Variants in HS3ST5 observed in about 807,000 individuals in gnomAD.
HS3ST5 encodes heparan sulfate glucosamine 3-O-sulfotransferase 5.
In HS3ST5, 10 loss-of-function variants were observed where a neutral mutation model predicts 25.4. The ratio of observed to expected loss-of-function variants is 0.39; its 90% CI spans 0.24 to 0.67. The LOEUF is 0.67. HS3ST5 is among the 30% of genes least tolerant of loss of function. The pLI, the probability that HS3ST5 is intolerant of heterozygous loss-of-function variation, is 0.44. For missense variants in HS3ST5, 324 were observed against 420.7 expected, an observed-to-expected ratio of 0.77 and a Z score of 2.01; for synonymous variants, 170 against 162.4, an observed-to-expected ratio of 1.05 and a Z score of -0.36.
intron 3 of HS3ST5, among the ~76,000 whole-genome samples, chr6:114,113,508 C>A (rs900161399): frequency 6.6e-6 from 1 of 151,746 alleles, no homozygotes; most frequent in African/African-American, 2.4e-5. Flanking sequence ...TTGGAATGAT[C>A]TTCCTCTCCT....
At chr6:114,166,882 G>A (rs1779239630) in intron 3 of HS3ST5, among the ~76,000 whole-genome samples, 1 of 152,070 alleles carries the variant, frequency 6.6e-6, no homozygotes, top group Non-Finnish European at 1.5e-5. Flanking sequence ...ACTAAAAAAA[G>A]GTATTTACAG....
intron 1 of HS3ST5, among the ~76,000 whole-genome samples, chr6:114,279,060 G>A (rs1022995776): frequency 1.3e-5 from 2 of 151,952 alleles, no homozygotes; most frequent in African/African-American, 4.8e-5. Flanking sequence ...GCAACAAGTA[G>A]TCAATTTCTT....
chr6:114,184,097 C>T (rs1275501818), intron 2 of HS3ST5, among the ~76,000 whole-genome samples: 1 of 110,084 alleles, frequency 9.1e-6, no homozygotes, highest in African/African-American at 3.5e-5. Context: ...GAGTCTCGCT[C>T]TGTCGCCCAG....
intron 2 of HS3ST5, among the ~76,000 whole-genome samples, chr6:114,187,271 A>G (rs1452386754): frequency 6.6e-6 from 1 of 152,242 alleles, no homozygotes; most frequent in Non-Finnish European, 1.5e-5. Context: ...AATCTGGGCA[A>G]AATAAATTAG....
chr6:114,331,361 A>G (rs1352343842), intron 1 of HS3ST5, among the ~76,000 whole-genome samples: 2 of 152,212 alleles, frequency 1.3e-5, no homozygotes, highest in Non-Finnish European at 2.9e-5. Flanking sequence ...TTATTGCTCA[A>G]GATTTTCTCT....
intron 1 of HS3ST5, among the ~76,000 whole-genome samples, chr6:114,311,822 C>T (rs1165678882): frequency 2.6e-5 from 4 of 152,054 alleles, no homozygotes; most frequent in East Asian, 1.9e-4. Context: ...AGATTACAGG[C>T]GTGAGCCACC....
chr6:114,322,760 G>A (rs1776016986), intron 1 of HS3ST5, among the ~76,000 whole-genome samples: 1 of 152,092 alleles, frequency 6.6e-6, no homozygotes, highest in Non-Finnish European at 1.5e-5. Flanking sequence ...CCACATAAAA[G>A]ACTAGCTATA....
At chr6:114,167,799 C>T (rs1189846076) in intron 3 of HS3ST5, 3 of 152,104 alleles carry the variant, frequency 2.0e-5, no homozygotes, top group Non-Finnish European at 2.9e-5. Context: ...AAACAAATGT[C>T]AGAGGAGGTA....
At chr6:114,093,863 CCTT>C (rs747294898) in intron 3 of HS3ST5, among the ~76,000 whole-genome samples, 4 of 152,084 alleles carry the variant, frequency 2.6e-5, no homozygotes, top group Non-Finnish European at 4.4e-5. Flanking sequence ...AGATAATAGA[CCTT>C]CTAAAAAAGC....
chr6:114,278,947 C>T (rs1427039193), intron 1 of HS3ST5, among the ~76,000 whole-genome samples: 1 of 151,970 alleles, frequency 6.6e-6, no homozygotes, highest in Admixed American at 6.6e-5. Flanking sequence ...TCAAGCACTT[C>T]AAGAAGAAAA....
At chr6:114,088,033 A>G (rs1171073970) in intron 3 of HS3ST5, among the ~76,000 whole-genome samples, 1 of 152,254 alleles carries the variant, frequency 6.6e-6, no homozygotes, top group African/African-American at 2.4e-5. Context: ...ATAGTATGAA[A>G]AAAAGAATGT....
intron 3 of HS3ST5, among the ~76,000 whole-genome samples, chr6:114,094,265 G>A (rs970710603): frequency 2.6e-5 from 4 of 152,154 alleles, no homozygotes; most frequent in African/African-American, 7.2e-5. Context: ...GGTGCACAAG[G>A]AAATAATTTA....
intron 3 of HS3ST5, among the ~76,000 whole-genome samples, chr6:114,088,369 C>G (rs1406412758): frequency 6.6e-6 from 1 of 150,926 alleles, no homozygotes; most frequent in Non-Finnish European, 1.5e-5. Context: ...TTTCTTCTGC[C>G]TATACTATTT....
intron 3 of HS3ST5, among the ~76,000 whole-genome samples, chr6:114,109,442 G>A (rs1447685548): frequency 6.6e-6 from 1 of 152,130 alleles, no homozygotes; most frequent in Non-Finnish European, 1.5e-5. Flanking sequence ...CTGTTCAGTG[G>A]GACCAAGAAT....
chr6:114,285,747 G>A (rs1174803530), intron 1 of HS3ST5, among the ~76,000 whole-genome samples: 1 of 151,986 alleles, frequency 6.6e-6, no homozygotes, highest in Non-Finnish European at 1.5e-5. Flanking sequence ...GTGATGGGTT[G>A]ATAGGTGCAG....
rs181744322 is a variant in HS3ST5, at chr6:114,083,117, A to G, written c.-32-20240T>C. On this transcript the variant is annotated intron_variant, in intron 3 of 4. Transcript: ENST00000312719. ...TATAACAAGTATAAAACTGAGCTCG[A>G]CTCCAACTGTGTAGAGGTGATGGTG... Among the ~76,000 whole-genome samples, 275 of 152,244 alleles carry G rather than the reference A, an allele frequency of 1.8e-3. 2 individuals are homozygous for G. The highest frequency in any genetic ancestry group is 6.5e-3 in the African/African-American group (268 of 41,528).
intron 1 of HS3ST5, among the ~76,000 whole-genome samples, chr6:114,287,249 C>G (rs189292976): frequency 2.4e-4 from 36 of 152,038 alleles, no homozygotes; most frequent in Non-Finnish European, 4.3e-4. Flanking sequence ...GTACCAGTCA[C>G]TCTCCTAATT....
chr6:114,094,520 A>G (rs1278690237), intron 3 of HS3ST5, among the ~76,000 whole-genome samples: 3 of 152,150 alleles, frequency 2.0e-5, no homozygotes, highest in Non-Finnish European at 2.9e-5. Context: ...GAAAGAATGG[A>G]GTTATTCCTT....
At chr6:114,304,930 G>A (rs911767836) in intron 1 of HS3ST5, among the ~76,000 whole-genome samples, 1 of 152,226 alleles carries the variant, frequency 6.6e-6, no homozygotes, top group East Asian at 1.9e-4. Flanking sequence ...AAAGAAAGGA[G>A]TAATTGAATA....
Sources: allele counts gnomAD v4.1 joint callset (sites outside exome capture counted in the v4.1 genomes callset), GRCh38; gene constraint gnomAD v4.1.1; transcripts MANE v1.5; gene names NCBI Gene and HGNC (gene_info 2026-07-23, HGNC 2026-07-21).